GASK1A: variants seen among roughly 807,000 people sequenced by gnomAD.
GASK1A encodes Golgi-associated kinase 1A.
In GASK1A, 40 loss-of-function variants were observed where a neutral mutation model predicts 41.2. The observed-to-expected ratio is 0.97, with a 90% CI of 0.75 to 1.27. The LOEUF (loss-of-function observed/expected upper bound fraction) is 1.27, where lower values mean the gene tolerates loss of function less well. Ranked by LOEUF, GASK1A falls within the 50% of genes most tolerant of loss-of-function variation. The probability of loss-of-function intolerance (pLI) is 0.00; values close to 1 mark genes in which losing one functional copy is unlikely to be tolerated. For missense variants in GASK1A, 678 were observed against 745.1 expected (o/e 0.91, Z 1.05); for synonymous variants, 316 against 307.1 (o/e 1.03, Z -0.30).
chr3:43,018,483 C>T (rs1010542843), intron 1 of GASK1A, among the ~76,000 whole-genome samples: 11 of 152,120 alleles, frequency 7.2e-5, no homozygotes, highest in African/African-American at 2.7e-4. Context: ...GGCATAGAAC[C>T]TGCCTGTTTT....
chr3:43,042,436 T>C lies in GASK1A; in HGVS notation c.1290+8883T>C, dbSNP rs569394172. The stretch of plus-strand genomic sequence containing the variant: ...AGGTGGAGGTTGCAGTGAGCTGTGA[T>C]CATGCCACTGCACTCCAGCCTGGCG... On this transcript the variant is annotated intron_variant, in intron 2 of 4. Coordinates refer to ENST00000430121, the MANE Select transcript of GASK1A (RefSeq NM_001129908.3). 2.0e-5 allele frequency among the ~76,000 whole-genome samples: 3 copies of C among 152,138 alleles called. No individual in the cohort carries two copies. In the East Asian group the frequency reaches 5.8e-4, roughly 30 times the overall value.
chr3:43,042,344 A>G (rs999951036), intron 2 of GASK1A, among the ~76,000 whole-genome samples: 2 of 151,230 alleles, frequency 1.3e-5, no homozygotes, highest in African/African-American at 4.9e-5. Flanking sequence ...TTAGCCAAGC[A>G]AAGTGGCATG....
intron 2 of GASK1A, among the ~76,000 whole-genome samples, chr3:43,037,770 A>C (rs1456364034): frequency 6.6e-6 from 1 of 152,250 alleles, no homozygotes; most frequent in Non-Finnish European, 1.5e-5. Context: ...TGAAGTATAA[A>C]GAAAACAAAT....
intron 1 of GASK1A, among the ~76,000 whole-genome samples, chr3:43,011,346 C>T (rs1044261778): frequency 6.8e-6 from 1 of 146,984 alleles, no homozygotes; most frequent in Non-Finnish European, 1.5e-5. Flanking sequence ...CGCACCACTG[C>T]ACTCCAGCCT....
rs1042725411 is a variant in GASK1A, at chr3:43,032,443, C to A, written c.180C>A (p.Ile60=). Reference sequence around the variant, plus strand: ...TAACTGGCGCCCCTGCAACCCATATCCGGCAGGCTTTGAGCTCCAGCCGGA... The same window carrying A: ...TAACTGGCGCCCCTGCAACCCATATACGGCAGGCTTTGAGCTCCAGCCGGA... The part of the protein sequence containing the change: ...QGVTGAPATH[I]RQALSSSRRQ... Residue 60 remains isoleucine, a synonymous_variant, in exon 2 of 5, where the codon ATC becomes ATA. Coordinates refer to ENST00000430121, the MANE Select transcript of GASK1A (RefSeq NM_001129908.3). 2 of 1,551,300 alleles carry A rather than the reference C, an allele frequency of 1.3e-6. No homozygotes were observed. The highest frequency in any genetic ancestry group is 2.0e-5 in the Admixed American group (1 of 50,992).
chr3:43,046,354 G>A (rs1178097877), intron 2 of GASK1A, among the ~76,000 whole-genome samples: 1 of 152,216 alleles, frequency 6.6e-6, no homozygotes, highest in East Asian at 1.9e-4. Context: ...GAAACTGGCG[G>A]CATTTTGCCC....
Position 42,984,828 on chromosome 3 carries a change from C to T in GASK1A, c.3+5183C>T, listed in dbSNP as rs834183. Among the ~76,000 whole-genome samples the T allele has an allele frequency of 0.73, 111,397 of 152,008 alleles. 41,908 individuals carry two copies. The highest frequency in any genetic ancestry group is 0.96 in the East Asian group (4,987 of 5,168). ...GAGTGAGCAAGCAGGTGGGGGTCTC[C>T]GTGACTTGCTTTGGTGCCTTATCTA... On this transcript the variant is annotated intron_variant, in intron 1 of 4. Transcript: ENST00000430121. This position sits in a 1 kb window ranked among gnomAD's most constrained non-coding sequence, Gnocchi z 4.2.
At chr3:43,036,380 C>A (rs2125688010) in intron 2 of GASK1A, among the ~76,000 whole-genome samples, 1 of 152,302 alleles carries the variant, frequency 6.6e-6, no homozygotes, top group African/African-American at 2.4e-5. Flanking sequence ...GGCCTGGGTA[C>A]AAACTGCATA....
intron 2 of GASK1A, among the ~76,000 whole-genome samples, chr3:43,050,383 A>G (rs2125692089): frequency 6.6e-6 from 1 of 152,036 alleles, no homozygotes; most frequent in South Asian, 2.1e-4. Flanking sequence ...GTTTTTGATA[A>G]ATTTGATATC....
intron 1 of GASK1A, among the ~76,000 whole-genome samples, chr3:42,999,005 G>A (rs2089392220): frequency 6.6e-6 from 1 of 152,022 alleles, no homozygotes; most frequent in African/African-American, 2.4e-5. Flanking sequence ...GTGTGCGTGT[G>A]TGTGTACACG....
intron 2 of GASK1A, among the ~76,000 whole-genome samples, chr3:43,041,080 T>G (rs997043179): frequency 2.9e-4 from 44 of 150,164 alleles, no homozygotes; most frequent in African/African-American, 1.1e-3. Flanking sequence ...CTGCATAGTA[T>G]TCCATGGTGT....
intron 1 of GASK1A, among the ~76,000 whole-genome samples, chr3:43,007,535 T>C (rs1024655669): frequency 6.6e-6 from 1 of 152,194 alleles, no homozygotes; most frequent in Admixed American, 6.5e-5. Context: ...CCTTTACCTG[T>C]TGGGGGCTCC....
chr3:43,003,987 A>G (rs774492128), intron 1 of GASK1A, among the ~76,000 whole-genome samples: 1 of 151,720 alleles, frequency 6.6e-6, no homozygotes, highest in African/African-American at 2.4e-5. Context: ...TCATTTATTT[A>G]TTCATTCATT....
chr3:43,049,230 G>A (rs995482301), intron 2 of GASK1A, among the ~76,000 whole-genome samples: 22 of 152,260 alleles, frequency 1.4e-4, no homozygotes, highest in Middle Eastern at 6.8e-3. Context: ...AATTTCTAAT[G>A]TCTGCAACTT....
intron 2 of GASK1A, among the ~76,000 whole-genome samples, chr3:43,048,828 G>A (rs2089675600): frequency 6.6e-6 from 1 of 152,176 alleles, no homozygotes; most frequent in African/African-American, 2.4e-5. Context: ...CATGGATGGA[G>A]AGCATCAAAA....
chr3:43,034,428 A>G (rs2089595161), intron 2 of GASK1A, among the ~76,000 whole-genome samples: 1 of 152,206 alleles, frequency 6.6e-6, no homozygotes, highest in Admixed American at 6.5e-5. Context: ...GTCTGTTAAC[A>G]ACCAGTGTGG....
intron 1 of GASK1A, among the ~76,000 whole-genome samples, chr3:43,009,151 T>A (rs1314732959): frequency 6.6e-6 from 1 of 152,224 alleles, no homozygotes; most frequent in African/African-American, 2.4e-5. Flanking sequence ...TGAAGATATA[T>A]GCTTATTAGG....
chr3:42,996,431 C>T (rs1018803483), intron 1 of GASK1A, among the ~76,000 whole-genome samples: 4 of 152,204 alleles, frequency 2.6e-5, no homozygotes, highest in Non-Finnish European at 5.9e-5. Context: ...GGGCTTTTGT[C>T]TCTTTTGTTC....
chr3:43,032,567 G>GCC lies in GASK1A; in HGVS notation c.304_305insCC (p.Asp102AlafsTer18). ...GGAGCAAGGCCATAGAGCAAGAGTGGACAGAAGCAGGGAGTCCCCAGGAGG... is the reference window on the plus strand; with the variant it reads ...GGAGCAAGGCCATAGAGCAAGAGTGGCCACAGAAGCAGGGAGTCCCCAGGAGG... On this transcript the variant is annotated frameshift_variant, in exon 2 of 5. Transcript: ENST00000430121. LOFTEE classifies it high-confidence loss of function. 2 of 1,550,912 alleles carry GCC rather than the reference G, an allele frequency of 1.3e-6. No homozygotes were observed. Among genetic ancestry groups the GCC allele is most frequent in the Non-Finnish European group, 1.7e-6 (2 of 1,146,308 alleles).
Sources: allele counts gnomAD v4.1 joint callset (sites outside exome capture counted in the v4.1 genomes callset), GRCh38; gene constraint gnomAD v4.1.1; non-coding constraint Gnocchi (gnomAD v3.1); transcripts MANE v1.5; gene names NCBI Gene and HGNC (gene_info 2026-07-23, HGNC 2026-07-21).